Variants in BPNT2 observed in about 807,000 individuals in gnomAD.
The protein encoded by BPNT2 is 3'(2'), 5'-bisphosphate nucleotidase 2.
In BPNT2, 11 loss-of-function variants were observed where a neutral mutation model predicts 29.3. The observed-to-expected ratio is 0.38, with a 90% CI of 0.24 to 0.62. BPNT2 has a LOEUF of 0.62. Among genes scored for constraint, BPNT2 ranks in the 20% least tolerant of loss-of-function variants. The probability of loss-of-function intolerance (pLI) is 0.62; values close to 1 mark genes in which losing one functional copy is unlikely to be tolerated. For missense variants in BPNT2, 459 were observed against 473.4 expected (o/e 0.97, Z 0.28); for synonymous variants, 195 against 187.7 (o/e 1.04, Z -0.32).
At chr8:56,979,927 T>C (rs1185570094) in intron 2 of BPNT2, 108 bp downstream of exon 2, 12 of 1,033,794 alleles carry the variant, frequency 1.2e-5, no homozygotes, top group Non-Finnish European at 1.8e-5. Flanking sequence ...AAAATGCTTC[T>C]TTACTGAACA....
chr8:56,977,970 A>T, intron 3 of BPNT2, 80 bp downstream of exon 3: 1 of 932,676 alleles, frequency 1.1e-6, no homozygotes, highest in Non-Finnish European at 1.8e-6. Context: ...AGTGGATACA[A>T]ATTTAGGTAC....
intron 3 of BPNT2, among the ~76,000 whole-genome samples, chr8:56,975,034 T>G (rs1806109787): frequency 6.6e-6 from 1 of 152,160 alleles, no homozygotes. Context: ...CCATGTGACA[T>G]TCGGCCAATA....
At chr8:56,971,785 C>CCCA (rs1392060839) in intron 3 of BPNT2, among the ~76,000 whole-genome samples, 1 of 140,508 alleles carries the variant, frequency 7.1e-6, no homozygotes, top group Admixed American at 7.0e-5. Flanking sequence ...TTGTACCACC[C>CCCA]CCCCCCCCAC....
chr8:56,967,551 A>G (rs1455639923), intron 3 of BPNT2, among the ~76,000 whole-genome samples: 1 of 152,174 alleles, frequency 6.6e-6, no homozygotes. Flanking sequence ...CTCAGATAAC[A>G]GCAGCCAGGA....
rs1585553415 is a variant in BPNT2 at position 56,962,748 on chromosome 8, T to C, written c.*1045A>G. 1.3e-5 allele frequency: 2 copies of C among 152,166 alleles called. No individual in the cohort carries two copies. The highest frequency in any genetic ancestry group is 1.5e-5 in the Non-Finnish European group (1 of 68,002). The allele number at this position is 152,166 out of a possible 1,614,324, so 9.4% of individuals were successfully genotyped here. On this transcript the variant is annotated 3_prime_UTR_variant, in exon 5 of 5. Coordinates refer to ENST00000262644, the MANE Select transcript of BPNT2 (RefSeq NM_017813.5). ...CATTTATTAATAGTAAAAGCAACCA[T>C]GGCAAAAGCAACCATACTCATTCTT...
intron 3 of BPNT2, among the ~76,000 whole-genome samples, chr8:56,976,246 T>C (rs974517401): frequency 2.0e-5 from 3 of 152,056 alleles, no homozygotes; most frequent in Non-Finnish European, 2.9e-5. Flanking sequence ...AAAGCAACAA[T>C]AGAGATAGAA....
chr8:56,980,328 G>A, intron 1 of BPNT2, 131 bp from the exon 2 acceptor site: 4 of 718,232 alleles, frequency 5.6e-6, no homozygotes, highest in Non-Finnish European at 9.3e-6. Flanking sequence ...TTCTTTTGAT[G>A]CTCCATATTG....
intron 4 of BPNT2, 189 bp from the exon 5 acceptor site, chr8:56,964,253 A>C: frequency 1.9e-6 from 1 of 517,006 alleles, no homozygotes; most frequent in Non-Finnish European, 3.4e-6. Context: ...TAAACATTAA[A>C]CTCAGAACAA....
rs539852399 is a variant in BPNT2, at chr8:56,988,338, T to C, written c.387+4861A>G. Among the ~76,000 whole-genome samples, 3 of 152,314 alleles carry C rather than the reference T, an allele frequency of 2.0e-5. No individual in the cohort carries two copies. The South Asian group carries it at 6.2e-4, about 32-fold the overall frequency. The stretch of plus-strand genomic sequence containing the variant: ...TAATCATAGGTTGCCTGAGTTCAAA[T>C]GCCAACTCCTCAATTTATTGGGTAT... On this transcript the variant is annotated intron_variant, in intron 1 of 4. Transcript: ENST00000262644.
chr8:56,958,172 C>A lies in BPNT2; in HGVS notation c.*5621G>T, dbSNP rs1355175710. On this transcript the variant is annotated 3_prime_UTR_variant, in exon 5 of 5. Transcript: ENST00000262644. ...ACAACCAGCTTATACAACCAAGGCACAAAATATGCTAATGCTAATAATCCT... is the reference window on the plus strand; with the variant it reads ...ACAACCAGCTTATACAACCAAGGCAAAAAATATGCTAATGCTAATAATCCT... 1 of 152,114 alleles carries A rather than the reference C, an allele frequency of 6.6e-6. No individual in the cohort carries two copies. Among genetic ancestry groups the A allele is most frequent in the Non-Finnish European group, 1.5e-5 (1 of 68,030 alleles). 9.4% of individuals were successfully genotyped at this position (152,114 alleles called of 1,614,324 possible). A position where few individuals can be genotyped will look rare whatever the true frequency, so the allele number is the denominator to read the frequency against.
chr8:56,987,255 T>C (rs548272353), intron 1 of BPNT2, among the ~76,000 whole-genome samples: 1 of 152,338 alleles, frequency 6.6e-6, no homozygotes, highest in South Asian at 2.1e-4. Context: ...AGGTGTGATA[T>C]GGCAACTTGA....
rs576091200 is a variant in BPNT2, at chr8:56,959,836, G to T, written c.*3957C>A. The T allele has an allele frequency of 7.2e-4, 110 of 152,148 alleles. No individual in the cohort carries two copies. Among genetic ancestry groups the T allele is most frequent in the African/African-American group, 2.5e-3 (104 of 41,522 alleles). The allele number at this position is 152,148 out of a possible 1,614,324, so 9.4% of individuals were successfully genotyped here. On this transcript the variant is annotated 3_prime_UTR_variant, in exon 5 of 5. Coordinates refer to ENST00000262644, the MANE Select transcript of BPNT2 (RefSeq NM_017813.5). ...CATCAAAAGAACTTAAGTTTTAATG[G>T]CAAAAAGTTCCTATTTTCCCCCATC...
intron 1 of BPNT2, among the ~76,000 whole-genome samples, chr8:56,981,185 G>A (rs1052254431): frequency 2.6e-5 from 4 of 151,976 alleles, no homozygotes; most frequent in African/African-American, 9.7e-5. Flanking sequence ...GTGCGCCCCT[G>A]TCCCATCCTA....
At position 56,993,581 on chromosome 8, in the gene BPNT2, G is replaced by C; in HGVS notation, c.5C>G (p.Ala2Gly). 2 of 1,437,390 alleles carry C rather than the reference G, an allele frequency of 1.4e-6. No individual in the cohort carries two copies. The highest frequency in any genetic ancestry group is 1.5e-5 in the South Asian group (1 of 68,738). 89.0% of individuals were successfully genotyped at this position (1,437,390 alleles called of 1,614,324 possible). A position where few individuals can be genotyped will look rare whatever the true frequency, so the allele number is the denominator to read the frequency against. M[A>G]PMGIRLSPLG... ...TGGGGAAAGGCGGATGCCCATGGGG[G>C]CCATGGCGTGGGAAGCCGGGCGCTC... Residue 2 changes from alanine to glycine, a missense_variant, in exon 1 of 5, where the codon GCC (alanine) becomes GGC (glycine). Ala to Gly is a moderately conservative substitution (Grantham distance 60). Coordinates refer to ENST00000262644, the MANE Select transcript of BPNT2 (RefSeq NM_017813.5).
At chr8:56,964,093 T>C in intron 4 of BPNT2, 29 bp from the exon 5 acceptor site, 1 of 1,510,038 alleles carries the variant, frequency 6.6e-7, no homozygotes, top group South Asian at 1.2e-5. Flanking sequence ...ATTTAGGTTA[T>C]TATTCAAAAA....
intron 3 of BPNT2, among the ~76,000 whole-genome samples, chr8:56,973,260 C>A (rs1806067421): frequency 6.6e-6 from 1 of 152,024 alleles, no homozygotes; most frequent in Non-Finnish European, 1.5e-5. Flanking sequence ...TACTTGCCCC[C>A]AAACACTACG....
chr8:56,979,288 A>G (rs1445816128), intron 2 of BPNT2, among the ~76,000 whole-genome samples: 3 of 152,228 alleles, frequency 2.0e-5, no homozygotes, highest in Non-Finnish European at 4.4e-5. Context: ...TAGATGCTTA[A>G]GAAAGTCCCT....
Position 56,993,601 on chromosome 8 carries a change from G to C in BPNT2, c.-16C>G. ...TGGGGGCCATGGCGTGGGAAGCCGG[G>C]CGCTCCGGGCTGCGGCTCTCACAGG... On this transcript the variant is annotated 5_prime_UTR_variant, in exon 1 of 5. Transcript: ENST00000262644. 1 of 1,415,324 alleles carries C rather than the reference G, an allele frequency of 7.1e-7. No homozygotes were observed. Among genetic ancestry groups the C allele is most frequent in the Non-Finnish European group, 9.3e-7 (1 of 1,079,448 alleles). The allele number at this position is 1,415,324 out of a possible 1,614,324, so 87.7% of individuals were successfully genotyped here. A position where few individuals can be genotyped will look rare whatever the true frequency, so the allele number is the denominator to read the frequency against.
intron 1 of BPNT2, among the ~76,000 whole-genome samples, chr8:56,983,906 A>C (rs1480145611): frequency 6.6e-6 from 1 of 152,166 alleles, no homozygotes; most frequent in Non-Finnish European, 1.5e-5. Flanking sequence ...AGATATCAAG[A>C]CCAGAATAAT....
Sources: allele counts gnomAD v4.1 joint callset (sites outside exome capture counted in the v4.1 genomes callset), GRCh38; gene constraint gnomAD v4.1.1; transcripts MANE v1.5; gene names NCBI Gene and HGNC (gene_info 2026-07-23, HGNC 2026-07-21).